Variants in AP2A2 observed in about 807,000 individuals in gnomAD.
AP2A2 encodes adaptor related protein complex 2 subunit alpha 2.
In AP2A2, 32 loss-of-function variants were observed where a neutral mutation model predicts 104.2. The observed-to-expected ratio is 0.31, with a 90% CI of 0.23 to 0.41. The LOEUF (loss-of-function observed/expected upper bound fraction) is 0.41, where lower values mean the gene tolerates loss of function less well. Among genes scored for constraint, AP2A2 ranks in the 10% least tolerant of loss-of-function variants. AP2A2 has a pLI of 1.00. For missense variants in AP2A2, 912 were observed against 1,261.0 expected, an observed-to-expected ratio of 0.72 and a Z score of 4.19; for synonymous variants, 539 against 533.3, an observed-to-expected ratio of 1.01 and a Z score of -0.15.
chr11:963,029 T>C (rs1854492709), intron 2 of AP2A2, among the ~76,000 whole-genome samples: 1 of 152,144 alleles, frequency 6.6e-6, no homozygotes. Flanking sequence ...TTCATAGGTC[T>C]AAAGGCTCTG....
Position 1,000,416 on chromosome 11 carries a change from C to T in AP2A2, c.1957-16C>T. On this transcript the variant is annotated splice_polypyrimidine_tract_variant and intron_variant, in intron 14 of 21. Transcript: ENST00000448903. ...AGGGAGGCTCTCTGCTGATGCTCTC[C>T]TTCCTTCTCTTCCAGTCTACGCCTT... 6.5e-7 allele frequency: 1 copy of T among 1,543,472 alleles called. No individual in the cohort carries two copies. Among genetic ancestry groups the T allele is most frequent in the Non-Finnish European group, 8.7e-7 (1 of 1,147,230 alleles).
At chr11:964,361 G>A (rs1282339656) in intron 2 of AP2A2, among the ~76,000 whole-genome samples, 1 of 152,226 alleles carries the variant, frequency 6.6e-6, no homozygotes, top group Non-Finnish European at 1.5e-5. Flanking sequence ...CTCTGACCTG[G>A]AGTTCTGGGG....
intron 21 of AP2A2, 21 bp downstream of exon 21, chr11:1,009,838 T>C (rs2133797671): frequency 6.5e-7 from 1 of 1,532,752 alleles, no homozygotes; most frequent in Non-Finnish European, 8.8e-7. Flanking sequence ...CAGGAAATGG[T>C]GGAACACACT....
intron 21 of AP2A2, chr11:1,010,262 C>T (rs1213378566): frequency 5.5e-6 from 3 of 543,562 alleles, no homozygotes; most frequent in African/African-American, 3.8e-5. Context: ...CTGCTGTCGC[C>T]CAGGGCCTGT....
chr11:930,710 CG>C (rs1853263920), intron 1 of AP2A2, among the ~76,000 whole-genome samples: 1 of 152,080 alleles, frequency 6.6e-6, no homozygotes, highest in Admixed American at 6.6e-5. Flanking sequence ...TTAGTAGAGA[CG>C]GGGTTTCACC....
At chr11:999,149 G>A (rs949469064) in intron 14 of AP2A2, among the ~76,000 whole-genome samples, 1 of 152,164 alleles carries the variant, frequency 6.6e-6, no homozygotes, top group South Asian at 2.1e-4. Context: ...AGCATGCGAT[G>A]GACTGAGCTG....
chr11:926,820 C>T (rs569600427), intron 1 of AP2A2, among the ~76,000 whole-genome samples: 1 of 152,260 alleles, frequency 6.6e-6, no homozygotes, highest in Admixed American at 6.5e-5. Context: ...TGCCTGTCCC[C>T]TCGGGGTGGG....
At chr11:981,602 A>G (rs1416389057) in intron 6 of AP2A2, among the ~76,000 whole-genome samples, 1 of 152,224 alleles carries the variant, frequency 6.6e-6, no homozygotes, top group Non-Finnish European at 1.5e-5. Context: ...TCTGGCGTGC[A>G]CGCTAAAGCC....
rs187473351 is a variant in AP2A2 at position 994,977 on chromosome 11, T to C, written c.1956+732T>C. The stretch of plus-strand genomic sequence containing the variant: ...CGCTGGCTTGTCCCGGGGGCCACTG[T>C]CCCTGCTGGACGCCCCTCTGGCCTG... On this transcript the variant is annotated intron_variant, in intron 14 of 21. Coordinates refer to ENST00000448903, the MANE Select transcript of AP2A2 (RefSeq NM_012305.4). 1.9e-4 allele frequency among the ~76,000 whole-genome samples: 26 copies of C among 140,482 alleles called. No individual in the cohort carries two copies. The East Asian group carries it at 4.9e-3, about 26-fold the overall frequency. 92.2% of individuals were successfully genotyped at this position (140,482 alleles called of 152,430 possible). A position where few individuals can be genotyped will look rare whatever the true frequency, so the allele number is the denominator to read the frequency against.
At chr11:960,233 GTTTCT>G (rs1388842894) in intron 2 of AP2A2, among the ~76,000 whole-genome samples, 23 of 143,446 alleles carry the variant, frequency 1.6e-4, no homozygotes, top group South Asian at 2.2e-4. Flanking sequence ...ATATCCAGTA[GTTTCT>G]TTTCTTTTCT....
chr11:1,006,857 C>T, intron 17 of AP2A2: 1 of 515,654 alleles, frequency 1.9e-6, no homozygotes, highest in Non-Finnish European at 3.4e-6. Flanking sequence ...GTGTACATGC[C>T]TCCTCCCCTT....
chr11:1,005,295 C>T (rs913253379), intron 16 of AP2A2, among the ~76,000 whole-genome samples: 4 of 152,292 alleles, frequency 2.6e-5, no homozygotes, highest in African/African-American at 7.2e-5. Flanking sequence ...GCAGTGACTT[C>T]GTAGAGACAG....
chr11:953,541 A>G (rs2134536107), intron 1 of AP2A2, among the ~76,000 whole-genome samples: 1 of 111,298 alleles, frequency 9.0e-6, no homozygotes, highest in East Asian at 2.2e-4. Flanking sequence ...TTTCTACCGT[A>G]AGAGCCCCCC....
Position 988,540 on chromosome 11 carries a change from C to T in AP2A2, c.1132-12C>T, listed in dbSNP as rs777411161. 3 of 1,609,088 alleles carry T rather than the reference C, an allele frequency of 1.9e-6. No homozygotes were observed. The Admixed American group carries it at 5.0e-5, about 27-fold the overall frequency. ...GCTCCTGCGACCTCTTACTCTGTGC[C>T]TTGTTCCCCAGACTGAGCGGGACGT... On this transcript the variant is annotated splice_polypyrimidine_tract_variant and intron_variant, in intron 9 of 21. Transcript: ENST00000448903.
chr11:947,419 G>T (rs1463654224), intron 1 of AP2A2, among the ~76,000 whole-genome samples: 2 of 152,196 alleles, frequency 1.3e-5, no homozygotes, highest in African/African-American at 4.8e-5. Flanking sequence ...AAAGAGAAGT[G>T]AGGGAAGAGC....
rs554170343 is a variant in AP2A2 at position 938,749 on chromosome 11, C to G, written c.67+12661C>G. Among the ~76,000 whole-genome samples the G allele has an allele frequency of 5.3e-5, 8 of 152,206 alleles. No homozygotes were observed. In the East Asian group the frequency reaches 1.6e-3, roughly 30 times the overall value. The stretch of plus-strand genomic sequence containing the variant: ...TTGGCCTCCTGAAATGCTGGGATTA[C>G]AGGCATGAGCCGCTGTGCCCGGCCC... On this transcript the variant is annotated intron_variant, in intron 1 of 21. Transcript: ENST00000448903.
rs1236635696 is a variant in AP2A2, at chr11:977,212, T to C, written c.591T>C (p.Asn197=). Residue 197 remains asparagine (N), a synonymous_variant, in exon 5 of 22, where the codon AAT becomes AAC. Transcript: ENST00000448903. ...DWTSRVVHLL[N]DQHLGVVTAA... is the part of the protein sequence containing the mutation. The stretch of plus-strand genomic sequence containing the variant: ...CATCCCGAGTGGTGCACCTGCTCAA[T>C]GACCAGCACTTGGTAAGCACCCTTG... The C allele has an allele frequency of 2.5e-6, 4 of 1,601,558 alleles. No individual in the cohort carries two copies. The highest frequency in any genetic ancestry group is 1.3e-5 in the African/African-American group (1 of 74,736).
At chr11:995,576 TG>T (rs1300284579) in intron 14 of AP2A2, among the ~76,000 whole-genome samples, 1 of 151,674 alleles carries the variant, frequency 6.6e-6, no homozygotes, top group Admixed American at 6.6e-5. Flanking sequence ...GTGTGCTGGT[TG>T]GGAGGGTGCT....
chr11:978,128 A>G (rs989861080), intron 5 of AP2A2, among the ~76,000 whole-genome samples: 2 of 152,032 alleles, frequency 1.3e-5, no homozygotes, highest in African/African-American at 4.8e-5. Context: ...GGCGTCAGAG[A>G]GTGTGCGGGT....
Sources: allele counts gnomAD v4.1 joint callset (sites outside exome capture counted in the v4.1 genomes callset), GRCh38; gene constraint gnomAD v4.1.1; transcripts MANE v1.5; gene names NCBI Gene and HGNC (gene_info 2026-07-23, HGNC 2026-07-21).